Variants in CDH18 observed in about 807,000 individuals in gnomAD.
The protein encoded by CDH18 is cadherin-18.
CDH18 carries 31 observed loss-of-function variants against 67.9 expected under a neutral mutation model. The ratio of observed to expected loss-of-function variants is 0.46; its 90% CI spans 0.34 to 0.62. CDH18 has a LOEUF of 0.62. CDH18 is among the 20% of genes least tolerant of loss of function. CDH18 has a pLI of 0.01. For synonymous variants in CDH18, 362 were observed against 347.2 expected (o/e 1.04, Z -0.48); for missense variants, 890 against 975.5 (o/e 0.91, Z 1.17).
intron 5 of CDH18, among the ~76,000 whole-genome samples, chr5:19,670,664 T>A (rs1001152209): frequency 2.6e-5 from 4 of 152,142 alleles, no homozygotes; most frequent in Non-Finnish European, 5.9e-5. Context: ...GATTATTATA[T>A]CCTTTGAAGT....
In CDH18 at chr5:20,285,414, T is replaced by C. The variant is rs569026132; in HGVS notation, c.-579-29909A>G. Among the ~76,000 whole-genome samples the C allele has an allele frequency of 2.8e-4, 40 of 143,934 alleles. 2 individuals are homozygous for C. In the South Asian group the frequency reaches 8.4e-3, roughly 30 times the overall value. 94.4% of individuals were successfully genotyped at this position (143,934 alleles called of 152,430 possible). A position where few individuals can be genotyped will look rare whatever the true frequency, so the allele number is the denominator to read the frequency against. On this transcript the variant is annotated intron_variant, in intron 1 of 14. Transcript: ENST00000507958. The stretch of plus-strand genomic sequence containing the variant: ...TAATATAATATAATATAATATAATA[T>C]AATATAATATAATCATAATATAATA...
At chr5:19,957,417 T>C (rs1306323824) in intron 2 of CDH18, among the ~76,000 whole-genome samples, 2 of 151,648 alleles carry the variant, frequency 1.3e-5, no homozygotes, top group Non-Finnish European at 2.9e-5. Context: ...GCTCTATGTG[T>C]TATGTATATC....
At chr5:20,226,948 TCTTA>T (rs1359171448) in intron 2 of CDH18, among the ~76,000 whole-genome samples, 1 of 151,996 alleles carries the variant, frequency 6.6e-6, no homozygotes, top group East Asian at 1.9e-4. Context: ...ATTGTTAAGG[TCTTA>T]CTTACTCTGT....
chr5:19,830,145 T>C (rs1354940009), intron 3 of CDH18, among the ~76,000 whole-genome samples: 1 of 152,070 alleles, frequency 6.6e-6, no homozygotes, highest in Non-Finnish European at 1.5e-5. Context: ...GATTTTATGA[T>C]GAAGCTGCCA....
intron 1 of CDH18, among the ~76,000 whole-genome samples, chr5:20,454,710 C>T (rs1750711324): frequency 6.6e-6 from 1 of 152,064 alleles, no homozygotes; most frequent in Non-Finnish European, 1.5e-5. Flanking sequence ...TTACTCATCA[C>T]AAAAGCAATA....
chr5:20,480,543 A>G (rs1194085706), intron 1 of CDH18, among the ~76,000 whole-genome samples: 1 of 151,878 alleles, frequency 6.6e-6, no homozygotes, highest in African/African-American at 2.4e-5. Context: ...TTTGCCTCCC[A>G]AGTAGCTGGG....
intron 2 of CDH18, among the ~76,000 whole-genome samples, chr5:20,090,704 C>T (rs981235140): frequency 6.6e-6 from 1 of 151,788 alleles, no homozygotes; most frequent in Non-Finnish European, 1.5e-5. Flanking sequence ...CTTTCAACCT[C>T]GTGAAACAAA....
At chr5:19,636,374 C>T (rs1753152276) in intron 5 of CDH18, among the ~76,000 whole-genome samples, 1 of 151,786 alleles carries the variant, frequency 6.6e-6, no homozygotes. Flanking sequence ...AAAAAACATG[C>T]ATCAAAACGT....
chr5:20,506,882 C>G (rs542313011), intron 1 of CDH18, among the ~76,000 whole-genome samples: 10 of 152,158 alleles, frequency 6.6e-5, no homozygotes, highest in African/African-American at 2.2e-4. Flanking sequence ...AATGTGCTTC[C>G]TGGGTGTGTG....
chr5:20,089,201 G>T (rs935395988), intron 2 of CDH18, among the ~76,000 whole-genome samples: 1 of 151,870 alleles, frequency 6.6e-6, no homozygotes, highest in African/African-American at 2.4e-5. Flanking sequence ...AAATATATCA[G>T]GTAAAACAAA....
chr5:19,613,609 A>G (rs937803475), intron 5 of CDH18, among the ~76,000 whole-genome samples: 7 of 152,164 alleles, frequency 4.6e-5, no homozygotes, highest in Admixed American at 4.6e-4. Context: ...TTGAATAAAG[A>G]AATGAAAAAT....
At chr5:19,550,615 A>C (rs564044301) in intron 8 of CDH18, among the ~76,000 whole-genome samples, 1 of 152,188 alleles carries the variant, frequency 6.6e-6, no homozygotes, top group East Asian at 1.9e-4. Context: ...ATGGCTGCAT[A>C]GTATTCCATG....
chr5:20,242,370 GTCCAC>G (rs145983170), intron 2 of CDH18, among the ~76,000 whole-genome samples: 9 of 151,166 alleles, frequency 6.0e-5, no homozygotes, highest in Non-Finnish European at 1.3e-4. Context: ...CCTTTTCCCT[GTCCAC>G]TCCTTCAGCC....
chr5:19,521,094 A>ATC (rs1746829737), intron 9 of CDH18, among the ~76,000 whole-genome samples: 1 of 152,196 alleles, frequency 6.6e-6, no homozygotes. Flanking sequence ...CAGGATGAAC[A>ATC]ATTGGTTTCA....
chr5:19,567,041 C>G (rs1016922828), intron 8 of CDH18, among the ~76,000 whole-genome samples: 2 of 151,646 alleles, frequency 1.3e-5, no homozygotes, highest in African/African-American at 4.8e-5. Flanking sequence ...CAATTGAACC[C>G]AAGGAGATAG....
intron 5 of CDH18, among the ~76,000 whole-genome samples, chr5:19,658,576 G>C (rs972700136): frequency 1.3e-5 from 2 of 151,942 alleles, no homozygotes; most frequent in African/African-American, 4.8e-5. Flanking sequence ...TTTTATAACT[G>C]CCTATAATAA....
chr5:19,616,496 T>C (rs1020264377), intron 5 of CDH18, among the ~76,000 whole-genome samples: 1 of 152,194 alleles, frequency 6.6e-6, no homozygotes, highest in African/African-American at 2.4e-5. Flanking sequence ...CAATGCTCCT[T>C]TTCATTTTAA....
At chr5:19,775,417 C>T (rs574343182) in intron 3 of CDH18, among the ~76,000 whole-genome samples, 4 of 152,158 alleles carry the variant, frequency 2.6e-5, no homozygotes, top group South Asian at 2.1e-4. Flanking sequence ...TCTGTGGATG[C>T]GGAATCTGTT....
intron 2 of CDH18, among the ~76,000 whole-genome samples, chr5:19,880,026 A>C (rs1213944654): frequency 6.6e-6 from 1 of 152,084 alleles, no homozygotes; most frequent in Non-Finnish European, 1.5e-5. Flanking sequence ...CATTAAATAT[A>C]CCATGCAAAC....
Sources: allele counts gnomAD v4.1 joint callset (sites outside exome capture counted in the v4.1 genomes callset), GRCh38; gene constraint gnomAD v4.1.1; transcripts MANE v1.5; gene names NCBI Gene and HGNC (gene_info 2026-07-23, HGNC 2026-07-21).